The following CDH13 variants were observed in gnomAD, a reference collection of about 807,000 sequenced individuals.
CDH13 encodes the protein cadherin-13.
CDH13 carries 24 observed loss-of-function variants against 63.8 expected under a neutral mutation model. The ratio of observed to expected loss-of-function variants is 0.38; its 90% CI spans 0.27 to 0.53. The LOEUF is 0.53. Among genes scored for constraint, CDH13 ranks in the 20% least tolerant of loss-of-function variants. CDH13 has a pLI of 0.85. For missense variants in CDH13, 1,049 were observed against 903.1 expected, an observed-to-expected ratio of 1.16 and a Z score of -2.07; for synonymous variants, 503 against 355.3, an observed-to-expected ratio of 1.42 and a Z score of -4.67.
At chr16:83,068,452 C>T (rs1597265116) in intron 3 of CDH13, among the ~76,000 whole-genome samples, 1 of 152,188 alleles carries the variant, frequency 6.6e-6, no homozygotes, top group Non-Finnish European at 1.5e-5. Flanking sequence ...TGTGTGATGA[C>T]GTTCAGGGTT....
intron 5 of CDH13, among the ~76,000 whole-genome samples, chr16:83,298,047 C>CAAAAAAAAAAAAAAAAAAA (rs71382871): frequency 2.0e-5 from 2 of 99,772 alleles, no homozygotes; most frequent in African/African-American, 3.7e-5. Flanking sequence ...CTTGTTTCTA[C>CAAAAAAAAAAAAAAAAAAA]AAAAAAAAAA....
chr16:83,526,658 G>A (rs56099308), intron 7 of CDH13, among the ~76,000 whole-genome samples: 27,017 of 152,146 alleles, frequency 0.18, 2,738 homozygotes, highest in Middle Eastern at 0.27. Flanking sequence ...GGGGGCTGGC[G>A]GCTCCTGGCT....
chr16:83,205,812 C>A (rs2039166330), intron 4 of CDH13, among the ~76,000 whole-genome samples: 1 of 152,006 alleles, frequency 6.6e-6, no homozygotes, highest in South Asian at 2.1e-4. Context: ...ATTATGTTGG[C>A]CAGGATGGTC....
intron 5 of CDH13, among the ~76,000 whole-genome samples, chr16:83,293,676 T>C (rs1233245634): frequency 1.3e-5 from 2 of 152,214 alleles, no homozygotes. Flanking sequence ...TTGATTGAAC[T>C]GGATATTTGT....
chr16:82,976,194 C>G (rs1479164582), intron 2 of CDH13, among the ~76,000 whole-genome samples: 1 of 152,166 alleles, frequency 6.6e-6, no homozygotes, highest in African/African-American at 2.4e-5. Flanking sequence ...GACAGGAACT[C>G]CAGAGTGGGT....
rs143481789 is a variant in CDH13 at position 83,470,819 on chromosome 16, T to G, written c.782-15658T>G. On this transcript the variant is annotated intron_variant, in intron 6 of 13. Transcript: ENST00000567109. ...TGTGGCTGTGATGAATTGCTACATA[T>G]TTATGGTTTAAAATGTGCAAATTTA... 3.8e-3 allele frequency among the ~76,000 whole-genome samples: 574 copies of G among 152,290 alleles called. 2 individuals are homozygous for G. Among genetic ancestry groups the G allele is most frequent in the African/African-American group, 0.013 (551 of 41,556 alleles).
chr16:82,797,378 G>A (rs1303450329), intron 1 of CDH13, among the ~76,000 whole-genome samples: 3 of 152,194 alleles, frequency 2.0e-5, no homozygotes, highest in African/African-American at 7.2e-5. Flanking sequence ...CATCATTAGT[G>A]CAGAGCCCTG....
At chr16:83,144,147 C>T (rs984232832) in intron 4 of CDH13, among the ~76,000 whole-genome samples, 1 of 152,080 alleles carries the variant, frequency 6.6e-6, no homozygotes, top group South Asian at 2.1e-4. Context: ...TCAACGTGCC[C>T]CTTCCTTCTT....
At chr16:82,868,354 A>G (rs2040224771) in intron 2 of CDH13, among the ~76,000 whole-genome samples, 1 of 152,222 alleles carries the variant, frequency 6.6e-6, no homozygotes, top group Admixed American at 6.5e-5. Flanking sequence ...TCCATTTGTA[A>G]CAATCTAGTA....
intron 4 of CDH13, among the ~76,000 whole-genome samples, chr16:83,189,313 TGC>T (rs1480875670): frequency 6.6e-6 from 1 of 152,200 alleles, no homozygotes; most frequent in Non-Finnish European, 1.5e-5. Context: ...AGGATTACTT[TGC>T]CCCCAGTCTC....
intron 2 of CDH13, among the ~76,000 whole-genome samples, chr16:82,880,253 C>G (rs1411834573): frequency 6.6e-6 from 1 of 152,012 alleles, no homozygotes; most frequent in East Asian, 1.9e-4. Context: ...CCCACCTGAA[C>G]AAATTATTAA....
intron 8 of CDH13, among the ~76,000 whole-genome samples, chr16:83,644,986 A>G (rs541001627): frequency 2.3e-4 from 35 of 152,284 alleles, no homozygotes; most frequent in African/African-American, 7.7e-4. Context: ...CAAACCTACA[A>G]GCTCCCCACT....
rs753329599 is a variant in CDH13 at position 83,047,398 on chromosome 16, G to A, written c.366+15180G>A. Among the ~76,000 whole-genome samples the A allele has an allele frequency of 5.8e-4, 88 of 152,024 alleles. 3 individuals are homozygous for A. The highest frequency in any genetic ancestry group is 1.5e-4 in the Non-Finnish European group (10 of 68,024). On this transcript the variant is annotated intron_variant, in intron 3 of 13. Transcript: ENST00000567109. This position sits in a 1 kb window ranked among gnomAD's most constrained non-coding sequence, Gnocchi z 4.9. ...CTTTTTTATTCCAAGTCCCTTATTC[G>A]ATTTGGCCCTTGTTAACAAAGCCTA...
At chr16:83,772,596 A>G (rs1412811113) in intron 11 of CDH13, among the ~76,000 whole-genome samples, 1 of 152,226 alleles carries the variant, frequency 6.6e-6, no homozygotes, top group African/African-American at 2.4e-5. Flanking sequence ...CTTGTGGATC[A>G]ATCATGGATT....
chr16:83,132,443 A>ACC (rs1343570969), intron 4 of CDH13, among the ~76,000 whole-genome samples: 1 of 17,516 alleles, frequency 5.7e-5, no homozygotes, highest in Non-Finnish European at 1.2e-4. Flanking sequence ...CCACCCCCCA[A>ACC]CACCCCCCCC....
At chr16:83,466,147 G>A (rs2073309055) in intron 6 of CDH13, among the ~76,000 whole-genome samples, 1 of 152,210 alleles carries the variant, frequency 6.6e-6, no homozygotes, top group Non-Finnish European at 1.5e-5. Flanking sequence ...ACCCGTCCTA[G>A]CTGGGAGCCA....
intron 5 of CDH13, among the ~76,000 whole-genome samples, chr16:83,276,877 A>G (rs2089005968): frequency 6.6e-6 from 1 of 152,184 alleles, no homozygotes; most frequent in South Asian, 2.1e-4. Flanking sequence ...CTCAAAAAAC[A>G]ACAAACAAAA....
At chr16:83,701,350 C>G (rs368283915) in intron 10 of CDH13, among the ~76,000 whole-genome samples, 1 of 152,282 alleles carries the variant, frequency 6.6e-6, no homozygotes, top group Middle Eastern at 3.4e-3. Flanking sequence ...CAATTCATTT[C>G]TTTTCTAAAT....
chr16:83,337,621 ATTTTTTTTTTTTTTT>A (rs66957563), intron 5 of CDH13, among the ~76,000 whole-genome samples: 2 of 52,282 alleles, frequency 3.8e-5, no homozygotes, highest in East Asian at 1.5e-3. Flanking sequence ...TGACAAGCGT[ATTTTTTTTTTTTTTT>A]TTTTTTTTTT....
Sources: gnomAD v4.1 joint callset for allele counts (sites outside exome capture counted in the v4.1 genomes callset) on GRCh38, gnomAD v4.1.1 for gene constraint, Gnocchi (gnomAD v3.1) non-coding constraint, MANE v1.5 for transcripts, NCBI Gene and HGNC (gene_info 2026-07-23, HGNC 2026-07-21) for gene names.